The following GALNT16 variants were observed in gnomAD, a reference collection of about 807,000 sequenced individuals.
GALNT16 encodes UDP-GalNAc:polypeptide N-acetylgalactosaminyltransferase-like protein 1.
Under a neutral mutation model 76.1 loss-of-function variants are expected in GALNT16, and 40 were observed. That is an observed-to-expected ratio of 0.53 (90% confidence interval 0.41 to 0.68). The LOEUF (loss-of-function observed/expected upper bound fraction) is 0.68. GALNT16 is among the 30% of genes least tolerant of loss of function. GALNT16 has a pLI of 0.00. For synonymous variants in GALNT16, 276 were observed against 285.2 expected (o/e 0.97, Z 0.32); for missense variants, 621 against 731.9 (o/e 0.85, Z 1.75).
chr14:69,272,198 TA>T (rs2044414652), intron 1 of GALNT16, among the ~76,000 whole-genome samples: 1 of 151,940 alleles, frequency 6.6e-6, no homozygotes, highest in African/African-American at 2.4e-5. Context: ...CCATCTCTAC[TA>T]AAAATACAAA....
At chr14:69,322,925 G>GGGGGGGT (rs797021875) in intron 2 of GALNT16, among the ~76,000 whole-genome samples, 1 of 103,780 alleles carries the variant, frequency 9.6e-6, no homozygotes, top group African/African-American at 3.9e-5. Flanking sequence ...TGGCTCACGG[G>GGGGGGGT]GTGTGTGTGT....
chr14:69,271,871 A>T (rs2044411308), intron 1 of GALNT16, among the ~76,000 whole-genome samples: 1 of 152,214 alleles, frequency 6.6e-6, no homozygotes, highest in Non-Finnish European at 1.5e-5. Context: ...AAAAGAACTA[A>T]AATACCTTGC....
the GALNT16 span, among the ~76,000 whole-genome samples, chr14:69,377,967 G>A: frequency 6.6e-6 from 1 of 152,020 alleles, no homozygotes; most frequent in Non-Finnish European, 1.5e-5. Context: ...CTGATGTAAA[G>A]TTGACAATCA....
the GALNT16 span, among the ~76,000 whole-genome samples, chr14:69,371,476 T>A: frequency 6.6e-6 from 1 of 151,482 alleles, no homozygotes; most frequent in Non-Finnish European, 1.5e-5. Flanking sequence ...CAGGATGGTC[T>A]CGGTCTCCTG....
chr14:69,372,727 G>A, the GALNT16 span, among the ~76,000 whole-genome samples: 1 of 151,974 alleles, frequency 6.6e-6, no homozygotes, highest in East Asian at 1.9e-4. Context: ...GATTCAGAGG[G>A]CCTGGCTTAA....
chr14:69,323,459 C>T (rs2045233039), intron 2 of GALNT16, among the ~76,000 whole-genome samples: 1 of 152,200 alleles, frequency 6.6e-6, no homozygotes, highest in South Asian at 2.1e-4. Flanking sequence ...CCGATTCCCT[C>T]CTTTCTGGGC....
intron 11 of GALNT16, among the ~76,000 whole-genome samples, chr14:69,339,844 A>G (rs1388109481): frequency 2.0e-5 from 3 of 152,352 alleles, no homozygotes; most frequent in South Asian, 4.1e-4. Context: ...CTCGCTTATG[A>G]AAAAGAGCTG....
chr14:69,259,877 A>G (rs1276078695), upstream of GALNT16: 2 of 171,956 alleles, frequency 1.2e-5, no homozygotes, highest in African/African-American at 4.8e-5. Flanking sequence ...GTGGGAGCCG[A>G]GGCTGGCTTT....
chr14:69,309,327 G>A (rs1319893005), intron 1 of GALNT16, among the ~76,000 whole-genome samples: 1 of 149,922 alleles, frequency 6.7e-6, no homozygotes, highest in Non-Finnish European at 1.5e-5. Flanking sequence ...ATTTGAGACA[G>A]GGTCTCACTC....
intron 1 of GALNT16, among the ~76,000 whole-genome samples, chr14:69,267,105 C>T (rs549563031): frequency 6.6e-6 from 1 of 152,348 alleles, no homozygotes; most frequent in African/African-American, 2.4e-5. Flanking sequence ...CTCCCAGACC[C>T]CTGACTGTTG....
intron 2 of GALNT16, among the ~76,000 whole-genome samples, chr14:69,322,922 C>CG (rs200098319): frequency 0.068 from 7,662 of 113,190 alleles, 438 homozygotes; most frequent in East Asian, 0.33. Flanking sequence ...AGGTGGCTCA[C>CG]GGGGTGTGTG....
chr14:69,341,806 G>A (rs202095390), intron 12 of GALNT16, 42 bp downstream of exon 12: 5 of 1,374,234 alleles, frequency 3.6e-6, no homozygotes, highest in Non-Finnish European at 5.2e-6. Context: ...AGGCGGGTAG[G>A]GGGTGGTTGG....
At chr14:69,338,154 G>A (rs2045436607) in intron 9 of GALNT16, among the ~76,000 whole-genome samples, 1 of 152,220 alleles carries the variant, frequency 6.6e-6, no homozygotes, top group African/African-American at 2.4e-5. Context: ...GTGAGAGCCT[G>A]TACAAGGAGA....
chr14:69,322,925 GGTGTGT>G (rs766188989), intron 2 of GALNT16, among the ~76,000 whole-genome samples: 1,346 of 103,814 alleles, frequency 0.013, 35 homozygotes, highest in Middle Eastern at 0.032. Context: ...TGGCTCACGG[GGTGTGT>G]GTGTGTGTGT....
the GALNT16 span, among the ~76,000 whole-genome samples, chr14:69,375,373 T>A: frequency 2.0e-5 from 3 of 152,232 alleles, no homozygotes; most frequent in Non-Finnish European, 4.4e-5. Flanking sequence ...CATTGAAATG[T>A]TTAGACCATT....
chr14:69,285,388 G>A (rs2044597987), intron 1 of GALNT16, among the ~76,000 whole-genome samples: 1 of 152,080 alleles, frequency 6.6e-6, no homozygotes, highest in African/African-American at 2.4e-5. Flanking sequence ...TGCCTGCTGT[G>A]GGAATAGGAT....
intron 11 of GALNT16, among the ~76,000 whole-genome samples, 162 bp downstream of exon 11, chr14:69,339,781 G>A (rs567062401): frequency 2.6e-5 from 4 of 152,344 alleles, no homozygotes; most frequent in East Asian, 3.9e-4. Flanking sequence ...GAATGCAACC[G>A]CAGAGACAAG....
At chr14:69,262,803 A>G (rs867363114) in intron 1 of GALNT16, among the ~76,000 whole-genome samples, 32 of 152,132 alleles carry the variant, frequency 2.1e-4, no homozygotes, top group African/African-American at 7.0e-4. Flanking sequence ...TTGCAGCTGA[A>G]TGTAAGTGAT....
downstream of GALNT16, among the ~76,000 whole-genome samples, chr14:69,359,572 A>G (rs1367106094): frequency 2.0e-5 from 3 of 152,142 alleles, no homozygotes; most frequent in South Asian, 2.1e-4. Flanking sequence ...ATGCACTCCA[A>G]TGAGGTAGGT....
Sources: gnomAD v4.1 joint callset for allele counts (sites outside exome capture counted in the v4.1 genomes callset) on GRCh38, gnomAD v4.1.1 for gene constraint, MANE v1.5 for transcripts, NCBI Gene and HGNC (gene_info 2026-07-23, HGNC 2026-07-21) for gene names.